Variants in LRP2 observed in about 807,000 individuals in gnomAD.
LRP2 encodes the protein low-density lipoprotein receptor-related protein 2.
A neutral mutation model predicts 531.0 loss-of-function variants in LRP2; 172 were observed. That is an observed-to-expected ratio of 0.32 (90% CI 0.29 to 0.37). The LOEUF (loss-of-function observed/expected upper bound fraction) is 0.37. LRP2 is among the 10% of genes least tolerant of loss of function. LRP2 has a pLI of 1.00. For missense variants in LRP2, 5,167 were observed against 5,868.3 expected (o/e 0.88, Z 3.90); for synonymous variants, 1,992 against 2,027.6 (o/e 0.98, Z 0.47).
intron 64 of LRP2, 97 bp downstream of exon 64, chr2:169,157,274 A>G: frequency 7.9e-7 from 1 of 1,265,752 alleles, no homozygotes. Context: ...GGTACCATTA[A>G]GGGAATTAAA....
rs2300445 is a variant in LRP2 at position 169,229,027 on chromosome 2, C to T, written c.5228-2439G>A. 8.2e-3 allele frequency among the ~76,000 whole-genome samples: 1,249 copies of T among 152,246 alleles called. 117 individuals are homozygous for T. The East Asian group carries it at 0.21, about 26-fold the overall frequency. ...ATTTACTGAGTGCCACCATGTACCA[C>T]GAAGTGCCACAGGCAATAAGCATAC... On this transcript the variant is annotated intron_variant, in intron 31 of 78. Coordinates refer to ENST00000649046, the MANE Select transcript of LRP2 (RefSeq NM_004525.3).
At chr2:169,203,638 T>C (rs1688276362) in intron 42 of LRP2, among the ~76,000 whole-genome samples, 1 of 152,132 alleles carries the variant, frequency 6.6e-6, no homozygotes, top group African/African-American at 2.4e-5. Context: ...GTGCCTGTAG[T>C]CCCAGCTACT....
intron 3 of LRP2, among the ~76,000 whole-genome samples, chr2:169,310,130 C>T (rs1290349780): frequency 5.3e-5 from 8 of 152,228 alleles, no homozygotes; most frequent in South Asian, 4.2e-4. Flanking sequence ...TGGGCTGAGA[C>T]GATGGGGTTT....
intron 7 of LRP2, among the ~76,000 whole-genome samples, 178 bp from the exon 8 acceptor site, chr2:169,291,175 A>G (rs1683989597): frequency 6.6e-6 from 1 of 152,230 alleles, no homozygotes; most frequent in African/African-American, 2.4e-5. Flanking sequence ...TGAGATTCTA[A>G]GGAGAGGCAT....
At chr2:169,269,909 G>GA (rs1574203905) in intron 16 of LRP2, among the ~76,000 whole-genome samples, 1 of 152,058 alleles carries the variant, frequency 6.6e-6, no homozygotes, top group Admixed American at 6.6e-5. Flanking sequence ...AAATTTACAA[G>GA]AAAAAATCAA....
At chr2:169,285,621 C>G (rs948938752) in intron 9 of LRP2, among the ~76,000 whole-genome samples, 1 of 152,052 alleles carries the variant, frequency 6.6e-6, no homozygotes, top group Non-Finnish European at 1.5e-5. Flanking sequence ...TAACTGAGCC[C>G]CCCTTGGCCA....
intron 9 of LRP2, among the ~76,000 whole-genome samples, chr2:169,286,268 A>T (rs552492480): frequency 1.3e-5 from 2 of 152,378 alleles, no homozygotes; most frequent in African/African-American, 4.8e-5. Context: ...AAGGCCCTCA[A>T]ATGTAGACTT....
chr2:169,200,127 T>C (rs1688151910), intron 44 of LRP2, among the ~76,000 whole-genome samples: 1 of 152,082 alleles, frequency 6.6e-6, no homozygotes, highest in Non-Finnish European at 1.5e-5. Context: ...GGCGGGTGCC[T>C]GTAGTCCCAG....
At chr2:169,290,764 G>T in intron 8 of LRP2, 81 bp downstream of exon 8, 2 of 1,442,414 alleles carry the variant, frequency 1.4e-6, no homozygotes, top group Non-Finnish European at 9.7e-7. Context: ...AATGCCAACA[G>T]ATACACTGTA....
At position 169,169,691 on chromosome 2, in the gene LRP2, T is replaced by C. The variant is rs750612818; in HGVS notation, c.11497+11A>G. On this transcript the variant is annotated intron_variant, in intron 60 of 78. Transcript: ENST00000649046. ...AGGTAAGCAGTACTACATATGTGTCTAGGGACTTACGACAATCAGCTTCAT... is the reference window on the plus strand; with the variant it reads ...AGGTAAGCAGTACTACATATGTGTCCAGGGACTTACGACAATCAGCTTCAT... 1 of 1,607,718 alleles carries C rather than the reference T, an allele frequency of 6.2e-7. No homozygotes were observed. The highest frequency in any genetic ancestry group is 8.5e-7 in the Non-Finnish European group (1 of 1,174,168).
At chr2:169,152,693 G>C (rs1220431044) in intron 67 of LRP2, 106 bp downstream of exon 67, 9 of 1,289,628 alleles carry the variant, frequency 7.0e-6, no homozygotes, top group Non-Finnish European at 1.0e-5. Flanking sequence ...CCATGGCTGA[G>C]TGTACTCATA....
chr2:169,324,533 G>A (rs1463176749), intron 1 of LRP2, among the ~76,000 whole-genome samples: 11 of 150,942 alleles, frequency 7.3e-5, no homozygotes, highest in African/African-American at 2.7e-4. Context: ...TGAAAGCAAT[G>A]CAAAAAAAAT....
chr2:169,233,342 C>A (rs368705330), intron 30 of LRP2, 69 bp downstream of exon 30: 1 of 1,537,936 alleles, frequency 6.5e-7, no homozygotes, highest in African/African-American at 1.4e-5. Context: ...TAACAGTGTG[C>A]ATTTAGCATT....
intron 67 of LRP2, among the ~76,000 whole-genome samples, chr2:169,152,190 T>C (rs1314550319): frequency 6.6e-6 from 1 of 152,184 alleles, no homozygotes; most frequent in African/African-American, 2.4e-5. Flanking sequence ...ATCCAAAATG[T>C]GTGGCTCTGG....
At chr2:169,225,206 T>C (rs971325078) in intron 33 of LRP2, 104 bp downstream of exon 33, 4 of 1,227,630 alleles carry the variant, frequency 3.3e-6, no homozygotes, top group Admixed American at 3.6e-5. Context: ...TTTTTCTTTT[T>C]GCTTAAAAAT....
chr2:169,135,969 T>C (rs1685491410), intron 76 of LRP2, among the ~76,000 whole-genome samples: 1 of 152,148 alleles, frequency 6.6e-6, no homozygotes. Flanking sequence ...CCGCCACTCT[T>C]AACTCCCTCT....
chr2:169,216,437 C>T lies in LRP2; in HGVS notation c.5649-7G>A, dbSNP rs750795275. On this transcript the variant is annotated splice_polypyrimidine_tract_variant and splice_region_variant and intron_variant, in intron 34 of 78. Transcript: ENST00000649046. ...GTCTGACCAGTACAGCTTCCTACAA[C>T]CATGAAAAACACCAGCATGTAACAA... 2 of 1,613,156 alleles carry T rather than the reference C, an allele frequency of 1.2e-6. No individual in the cohort carries two copies. The highest frequency in any genetic ancestry group is 1.1e-5 in the South Asian group (1 of 91,046).
intron 14 of LRP2, among the ~76,000 whole-genome samples, chr2:169,273,824 T>C (rs1006393284): frequency 6.6e-6 from 1 of 152,206 alleles, no homozygotes; most frequent in African/African-American, 2.4e-5. Context: ...CTGAGCCAAA[T>C]AATGAAAATA....
chr2:169,352,889 G>A (rs564378148), intron 1 of LRP2, among the ~76,000 whole-genome samples: 4 of 152,122 alleles, frequency 2.6e-5, no homozygotes, highest in Non-Finnish European at 5.9e-5. Context: ...GGGGCCAAGG[G>A]AAGGGAGAGC....
Sources: allele counts gnomAD v4.1 joint callset (sites outside exome capture counted in the v4.1 genomes callset), GRCh38; gene constraint gnomAD v4.1.1; transcripts MANE v1.5; gene names NCBI Gene and HGNC (gene_info 2026-07-23, HGNC 2026-07-21).